HMGXB4: variants seen among roughly 807,000 people sequenced by gnomAD.
HMGXB4 encodes HMG domain-containing protein 4.
HMGXB4 carries 27 observed loss-of-function variants against 63.9 expected under a neutral mutation model. The observed-to-expected ratio is 0.42, with a 90% CI of 0.31 to 0.58. The LOEUF is 0.58. Ranked by LOEUF, HMGXB4 falls within the 20% of genes least tolerant of loss-of-function variation. The probability of loss-of-function intolerance (pLI) is 0.13; values close to 1 mark genes in which losing one functional copy is unlikely to be tolerated. For synonymous variants in HMGXB4, 264 were observed against 265.3 expected, an observed-to-expected ratio of 0.99 and a Z score of 0.05; for missense variants, 624 against 700.7, an observed-to-expected ratio of 0.89 and a Z score of 1.24.
intron 5 of HMGXB4, among the ~76,000 whole-genome samples, chr22:35,281,349 A>G (rs951395970): frequency 2.6e-5 from 4 of 152,180 alleles, no homozygotes; most frequent in African/African-American, 9.7e-5. Context: ...TTATCCTCCT[A>G]ACTACTTGCT....
upstream of HMGXB4, among the ~76,000 whole-genome samples, chr22:35,256,995 A>AT (rs761746628): frequency 1.3e-5 from 2 of 152,276 alleles, no homozygotes; most frequent in Non-Finnish European, 2.9e-5. Flanking sequence ...TGTTACAAAG[A>AT]TAAGTTCTTC....
rs1206193156 is a variant in HMGXB4 at position 35,294,832 on chromosome 22, TCTTTC to T, written c.*1185_*1189del. On this transcript the variant is annotated 3_prime_UTR_variant, in exon 11 of 11. Coordinates refer to ENST00000216106, the MANE Select transcript of HMGXB4 (RefSeq NM_001003681.3). ...TTCCTTCCTTCCCTGTTTCCTTCCCTCTTTCCTTCCTTCCTCCTGGTCTGTTCCAA... is the reference window on the plus strand; with the variant it reads ...TTCCTTCCTTCCCTGTTTCCTTCCCTCTTCCTTCCTCCTGGTCTGTTCCAA... The T allele has an allele frequency of 6.6e-6, 1 of 152,126 alleles. No homozygotes were observed. The highest frequency in any genetic ancestry group is 1.5e-5 in the Non-Finnish European group (1 of 68,012). The allele number at this position is 152,126 out of a possible 1,614,324, so 9.4% of individuals were successfully genotyped here.
In HMGXB4 at chr22:35,265,438, C is replaced by T. The variant is rs769970545; in HGVS notation, c.1050C>T (p.Ala350=). ...CCAAGAGAAGTTTAGGACTTTCTGC[C>T]GTGCCAGTGGGAGAGGTCACAGTGA... ...SKSKRSLGLS[A]VPVGEVTVTS... The change falls in exon 5 of 11, where the codon GCC becomes GCT. Residue 350 remains alanine (A), a synonymous_variant. Transcript: ENST00000216106. 28 of 1,613,886 alleles carry T rather than the reference C, an allele frequency of 1.7e-5. No individual in the cohort carries two copies. The highest frequency in any genetic ancestry group is 6.7e-5 in the East Asian group (3 of 44,894).
chr22:35,245,884 C>G, the HMGXB4 span, among the ~76,000 whole-genome samples: 2 of 152,064 alleles, frequency 1.3e-5, no homozygotes, highest in African/African-American at 4.8e-5. Context: ...GTTATTGATC[C>G]CCACAGGGTC....
In HMGXB4 at chr22:35,294,322, C is replaced by T. The variant is rs754860934; in HGVS notation, c.*671C>T. The T allele has an allele frequency of 2.0e-5, 3 of 152,386 alleles. No homozygotes were observed. Among genetic ancestry groups the T allele is most frequent in the Non-Finnish European group, 2.9e-5 (2 of 68,012 alleles). 9.4% of individuals were successfully genotyped at this position (152,386 alleles called of 1,614,324 possible). A position where few individuals can be genotyped will look rare whatever the true frequency, so the allele number is the denominator to read the frequency against. On this transcript the variant is annotated 3_prime_UTR_variant, in exon 11 of 11. Transcript: ENST00000216106. ...GGCCAAGGAGTTCTGTGAGCCCTGG[C>T]AGCAAAAAACACCTTGGGGGGTGAA...
chr22:35,276,829 T>TG (rs1267374237), intron 5 of HMGXB4, among the ~76,000 whole-genome samples: 1 of 152,220 alleles, frequency 6.6e-6, no homozygotes, highest in Non-Finnish European at 1.5e-5. Context: ...GCTATTTCAA[T>TG]GAAAAACTTT....
At position 35,273,908 on chromosome 22, in the gene HMGXB4, T is replaced by C. The variant is rs73883586; in HGVS notation, c.1215+8305T>C. 5.5e-3 allele frequency among the ~76,000 whole-genome samples: 838 copies of C among 152,344 alleles called. 10 individuals are homozygous for C. Among genetic ancestry groups the C allele is most frequent in the African/African-American group, 0.019 (784 of 41,584 alleles). ...AATGGGGAATTAGCACCCAGCCTAC[T>C]TCACTTACAAGGATGTTGTGGAAAT... On this transcript the variant is annotated intron_variant, in intron 5 of 10. Transcript: ENST00000216106.
chr22:35,243,410 A>G, the HMGXB4 span, among the ~76,000 whole-genome samples: 3 of 152,338 alleles, frequency 2.0e-5, no homozygotes, highest in East Asian at 5.8e-4. Context: ...TTCCAGAAAC[A>G]CATTCACAGA....
chr22:35,255,400 AG>A (rs1383202877), upstream of HMGXB4, among the ~76,000 whole-genome samples: 1 of 152,194 alleles, frequency 6.6e-6, no homozygotes, highest in African/African-American at 2.4e-5. Flanking sequence ...CTGTGGTCCC[AG>A]CTACTTGGGG....
At chr22:35,286,124 T>C in intron 7 of HMGXB4, 63 bp downstream of exon 7, 2 of 1,140,744 alleles carry the variant, frequency 1.8e-6, no homozygotes, top group Non-Finnish European at 2.6e-6. Context: ...TATGTAATTC[T>C]TCCATAGACT....
the HMGXB4 span, among the ~76,000 whole-genome samples, chr22:35,248,610 G>A: frequency 1.3e-5 from 2 of 151,880 alleles, no homozygotes; most frequent in Non-Finnish European, 2.9e-5. Context: ...TCACCACGTT[G>A]CCCAGGCTGG....
At chr22:35,260,377 TG>T (rs1922771656) in intron 1 of HMGXB4, among the ~76,000 whole-genome samples, 1 of 152,256 alleles carries the variant, frequency 6.6e-6, no homozygotes, top group Non-Finnish European at 1.5e-5. Flanking sequence ...GAGGATATGC[TG>T]TTTTCAAATA....
At chr22:35,259,136 C>G (rs1038910268) in intron 1 of HMGXB4, among the ~76,000 whole-genome samples, 4 of 151,686 alleles carry the variant, frequency 2.6e-5, no homozygotes, top group Non-Finnish European at 4.4e-5. Flanking sequence ...AACTCTGCCC[C>G]CTCCTTTTTC....
rs370278031 is a variant in HMGXB4 at position 35,293,642 on chromosome 22, G to A, written c.1797G>A (p.Pro599=). 67 of 1,610,986 alleles carry A rather than the reference G, an allele frequency of 4.2e-5. No individual in the cohort carries two copies. The highest frequency in any genetic ancestry group is 1.7e-4 in the Middle Eastern group (1 of 6,058). The change falls in exon 11 of 11, where the codon CCG becomes CCA. Residue 599 remains proline (P), a synonymous_variant. Transcript: ENST00000216106. ...NTLDNIAYIM[P]GL Reference sequence around the variant, plus strand: ...TAGACAACATTGCTTACATCATGCCGGGACTGTGACAGCAAAGAATCCTGG... The same window carrying A: ...TAGACAACATTGCTTACATCATGCCAGGACTGTGACAGCAAAGAATCCTGG...
intron 9 of HMGXB4, among the ~76,000 whole-genome samples, chr22:35,290,630 CAAAAAAA>C (rs767279436): frequency 7.6e-5 from 4 of 52,852 alleles, no homozygotes; most frequent in South Asian, 7.0e-4. Flanking sequence ...GACTCCGCCT[CAAAAAAA>C]AAAAAAAAAA....
upstream of HMGXB4, among the ~76,000 whole-genome samples, chr22:35,252,799 C>T (rs958462029): frequency 6.6e-6 from 1 of 152,008 alleles, no homozygotes; most frequent in African/African-American, 2.4e-5. Flanking sequence ...GTCAAGAGTT[C>T]GAGACCAGCC....
intron 5 of HMGXB4, among the ~76,000 whole-genome samples, chr22:35,283,647 G>A (rs1054832789): frequency 4.6e-5 from 7 of 152,070 alleles, no homozygotes; most frequent in Admixed American, 6.6e-5. Flanking sequence ...AAAATTACCC[G>A]GGTGTGGTGG....
the HMGXB4 span, among the ~76,000 whole-genome samples, chr22:35,251,009 T>C: frequency 6.6e-6 from 1 of 152,004 alleles, no homozygotes; most frequent in Non-Finnish European, 1.5e-5. Context: ...CCTTTCCTGC[T>C]ACAGACAATG....
At chr22:35,271,305 A>G (rs1213614301) in intron 5 of HMGXB4, among the ~76,000 whole-genome samples, 1 of 152,194 alleles carries the variant, frequency 6.6e-6, no homozygotes, top group Non-Finnish European at 1.5e-5. Flanking sequence ...GTGTTTCTTC[A>G]ACCTACAGTG....
Sources: gnomAD v4.1 joint callset for allele counts (sites outside exome capture counted in the v4.1 genomes callset) on GRCh38, gnomAD v4.1.1 for gene constraint, MANE v1.5 for transcripts, NCBI Gene and HGNC (gene_info 2026-07-23, HGNC 2026-07-21) for gene names.